The following CHL1 variants were observed in gnomAD, a reference collection of about 807,000 sequenced individuals.
The protein encoded by CHL1 is cell adhesion molecule L1 like.
Under a neutral mutation model 141.9 loss-of-function variants are expected in CHL1, and 96 were observed. That is an observed-to-expected ratio of 0.68 (90% confidence interval 0.57 to 0.80). The LOEUF (loss-of-function observed/expected upper bound fraction) is 0.80, where lower values mean the gene tolerates loss of function less well. Ranked by LOEUF, CHL1 falls within the 30% of genes least tolerant of loss-of-function variation. The pLI is 0.00. For missense variants in CHL1, 1,820 were observed against 1,457.2 expected (o/e 1.25, Z -4.05); for synonymous variants, 613 against 502.2 (o/e 1.22, Z -2.95).
intron 10 of CHL1, among the ~76,000 whole-genome samples, chr3:350,772 A>C (rs1575137045): frequency 1.3e-5 from 2 of 152,300 alleles, no homozygotes; most frequent in East Asian, 3.9e-4. Flanking sequence ...TGAGAATTTT[A>C]TTTTCTTTGA....
chr3:329,432 C>A (rs77466110), intron 5 of CHL1, among the ~76,000 whole-genome samples: 2,504 of 151,886 alleles, frequency 0.016, 77 homozygotes, highest in African/African-American at 0.056. Flanking sequence ...GTCCTAAAGT[C>A]CTTATATAAT....
chr3:368,444 G>A (rs1367188293), intron 15 of CHL1, among the ~76,000 whole-genome samples: 1 of 152,034 alleles, frequency 6.6e-6, no homozygotes, highest in Admixed American at 6.6e-5. Context: ...TGATGGGGTT[G>A]TTTGTTTCTT....
chr3:393,043 C>G (rs562798897), intron 23 of CHL1, among the ~76,000 whole-genome samples: 3 of 152,092 alleles, frequency 2.0e-5, no homozygotes, highest in South Asian at 4.1e-4. Context: ...ACCATCCTGG[C>G]TAACACGGTG....
chr3:244,396 CCT>C (rs1692961882), intron 1 of CHL1, among the ~76,000 whole-genome samples: 1 of 152,092 alleles, frequency 6.6e-6, no homozygotes, highest in African/African-American at 2.4e-5. Flanking sequence ...GCATGCCTGC[CCT>C]CTCTCCTCCT....
rs1709725088 is a variant in CHL1, at chr3:409,391, A to G, written c.*3680A>G. 1 of 152,072 alleles carries G rather than the reference A, an allele frequency of 6.6e-6. No homozygotes were observed. Among genetic ancestry groups the G allele is most frequent in the Non-Finnish European group, 1.5e-5 (1 of 67,988 alleles). The allele number at this position is 152,072 out of a possible 1,614,324, so 9.4% of individuals were successfully genotyped here. On this transcript the variant is annotated 3_prime_UTR_variant, in exon 28 of 28. Transcript: ENST00000256509. ...TACATGAAATTCAACTTTCCAAATAAAAGTTCTACTTCATGTAATCCAAAA... is the reference window on the plus strand; with the variant it reads ...TACATGAAATTCAACTTTCCAAATAGAAGTTCTACTTCATGTAATCCAAAA...
intron 1 of CHL1, among the ~76,000 whole-genome samples, chr3:215,219 AT>A (rs1273035298): frequency 6.6e-6 from 1 of 152,206 alleles, no homozygotes; most frequent in East Asian, 1.9e-4. Context: ...ACACAATTGA[AT>A]AGTACTCAGC....
In CHL1 at chr3:349,652, A is replaced by G. The variant is rs953628029; in HGVS notation, c.1033+109A>G. ...ATGTTAAAACAGGTCAGCAGTTTCA[A>G]CTTTTAATTGTAGTGCGGGCATTGA... is the stretch of plus-strand genomic sequence containing the variant. On this transcript the variant is annotated intron_variant, in intron 10 of 27. Transcript: ENST00000256509. 2.7e-5 allele frequency: 25 copies of G among 937,050 alleles called. No homozygotes were observed. The Middle Eastern group carries it at 6.7e-4, about 25-fold the overall frequency. 58.0% of individuals were successfully genotyped at this position (937,050 alleles called of 1,614,324 possible).
chr3:366,393 C>T (rs1704887342), intron 15 of CHL1, among the ~76,000 whole-genome samples: 1 of 151,340 alleles, frequency 6.6e-6, no homozygotes, highest in African/African-American at 2.4e-5. Context: ...ATCACTTGAA[C>T]TCAGGAGGCG....
intron 2 of CHL1, among the ~76,000 whole-genome samples, chr3:277,784 G>T (rs923140650): frequency 5.3e-5 from 8 of 152,124 alleles, no homozygotes; most frequent in Non-Finnish European, 5.9e-5. Flanking sequence ...AATTGTTATT[G>T]GAAAGAGAAT....
At chr3:245,178 T>A (rs1693046917) in intron 2 of CHL1, among the ~76,000 whole-genome samples, 1 of 152,124 alleles carries the variant, frequency 6.6e-6, no homozygotes, top group Admixed American at 6.6e-5. Flanking sequence ...CCGTTTGAAA[T>A]CTGACCTGAA....
chr3:227,384 T>C (rs1357481727), intron 1 of CHL1, among the ~76,000 whole-genome samples: 1 of 152,138 alleles, frequency 6.6e-6, no homozygotes, highest in Non-Finnish European at 1.5e-5. Flanking sequence ...CTGGAGAGCA[T>C]TGTGACTCTG....
intron 19 of CHL1, among the ~76,000 whole-genome samples, chr3:387,153 C>T (rs528538463): frequency 2.6e-5 from 4 of 152,268 alleles, no homozygotes; most frequent in Admixed American, 6.5e-5. Flanking sequence ...CTATGTTGGA[C>T]GTGCAAGCTC....
intron 23 of CHL1, among the ~76,000 whole-genome samples, chr3:393,173 C>T (rs1365686533): frequency 2.8e-5 from 4 of 143,328 alleles, no homozygotes; most frequent in Non-Finnish European, 4.5e-5. Flanking sequence ...GCAGAGCTTG[C>T]GGTGAGCTGA....
In CHL1 at chr3:360,643, G is replaced by T. The variant is rs562386602; in HGVS notation, c.1306+219G>T. Reference sequence around the variant, plus strand: ...TTAGGGTACATGTGCACAATGTGCAGGTTAGTTACATATGTATACATGTGC... The same window carrying T: ...TTAGGGTACATGTGCACAATGTGCATGTTAGTTACATATGTATACATGTGC... On this transcript the variant is annotated intron_variant, in intron 12 of 27. Coordinates refer to ENST00000256509, the MANE Select transcript of CHL1 (RefSeq NM_006614.4). 2.0e-5 allele frequency among the ~76,000 whole-genome samples: 3 copies of T among 150,508 alleles called. No individual in the cohort carries two copies. The South Asian group carries it at 6.3e-4, about 32-fold the overall frequency.
chr3:341,184 G>A (rs916328340), intron 6 of CHL1, among the ~76,000 whole-genome samples: 1 of 152,124 alleles, frequency 6.6e-6, no homozygotes, highest in African/African-American at 2.4e-5. Context: ...TTCTATTTTA[G>A]TAATGCTCTA....
chr3:257,759 T>G (rs538369517), intron 2 of CHL1, among the ~76,000 whole-genome samples: 1 of 152,202 alleles, frequency 6.6e-6, no homozygotes, highest in Non-Finnish European at 1.5e-5. Flanking sequence ...TGTAAAGTAG[T>G]GTTGATTTCC....
chr3:244,863 T>C (rs1404957954), intron 2 of CHL1, among the ~76,000 whole-genome samples, 171 bp downstream of exon 2: 2 of 152,182 alleles, frequency 1.3e-5, no homozygotes, highest in African/African-American at 4.8e-5. Flanking sequence ...TAGTGAAGGT[T>C]TTTTTTGTTT....
intron 2 of CHL1, among the ~76,000 whole-genome samples, chr3:303,910 G>C (rs79827175): frequency 6.6e-6 from 1 of 151,930 alleles, no homozygotes; most frequent in Non-Finnish European, 1.5e-5. Context: ...TTGATACCTA[G>C]TTTATTGAGA....
intron 2 of CHL1, among the ~76,000 whole-genome samples, chr3:311,445 G>A (rs567586604): frequency 2.2e-4 from 33 of 150,166 alleles, no homozygotes; most frequent in Non-Finnish European, 1.8e-4. Context: ...AGGTAGGGCT[G>A]TTCTTCCTTG....
Sources: gnomAD v4.1 joint callset for allele counts (sites outside exome capture counted in the v4.1 genomes callset) on GRCh38, gnomAD v4.1.1 for gene constraint, MANE v1.5 for transcripts, NCBI Gene and HGNC (gene_info 2026-07-23, HGNC 2026-07-21) for gene names.